EOLA2: variants seen among roughly 807,000 people sequenced by gnomAD.
The protein encoded by EOLA2 is protein EOLA2.
A neutral mutation model predicts 4.1 loss-of-function variants in EOLA2; 3 were observed. The ratio of observed to expected loss-of-function variants is 0.73; its 90% CI spans 0.33 to 1.89. The LOEUF is 1.89. Ranked by LOEUF, EOLA2 falls within the 40% of genes most tolerant of loss-of-function variation. The pLI is 0.08. For missense variants in EOLA2, 109 were observed against 126.4 expected, an observed-to-expected ratio of 0.86 and a Z score of 0.66; for synonymous variants, 52 against 51.7, an observed-to-expected ratio of 1.01 and a Z score of -0.03.
rs1290591669 is a variant in EOLA2 at position 149,937,469 on chromosome X, T to A, written c.-199A>T. On this transcript the variant is annotated 5_prime_UTR_variant, in exon 2 of 5. Coordinates refer to ENST00000370406, the MANE Select transcript of EOLA2 (RefSeq NM_001013845.2). Reference sequence around the variant, plus strand: ...CCAGAGGAGGAAACACTCTTCCACTTGGTTTCTTTACCTGCACAACAAGGA... The same window carrying A: ...CCAGAGGAGGAAACACTCTTCCACTAGGTTTCTTTACCTGCACAACAAGGA... 1.4e-6 allele frequency: 1 copy of A among 704,319 alleles called. No individual in the cohort carries two copies. Among genetic ancestry groups the A allele is most frequent in the African/African-American group, 2.4e-5 (1 of 42,355 alleles). 58.0% of individuals were successfully genotyped at this position (704,319 alleles called of 1,213,427 possible). A position where few individuals can be genotyped will look rare whatever the true frequency, so the allele number is the denominator to read the frequency against.
chrX:149,931,530 G>A (rs1186632324), downstream of EOLA2, among the ~76,000 whole-genome samples: 2 of 100,288 alleles, frequency 2.0e-5, no homozygotes, highest in African/African-American at 7.3e-5. Context: ...GCCTGATTCC[G>A]GCAATATCTT....
Position 149,934,127 on chromosome X carries a change from G to A in EOLA2, c.-152C>T, listed in dbSNP as rs1557375397. On this transcript the variant is annotated 5_prime_UTR_variant, in exon 3 of 5. Coordinates refer to ENST00000370406, the MANE Select transcript of EOLA2 (RefSeq NM_001013845.2). Reference sequence around the variant, plus strand: ...GAGTCTTTGGGGCGGTCCGGAGTAGGGCGGGGACAGCTAGAGGAAGGCACA... The same window carrying A: ...GAGTCTTTGGGGCGGTCCGGAGTAGAGCGGGGACAGCTAGAGGAAGGCACA... 1.9e-6 allele frequency: 2 copies of A among 1,050,844 alleles called. No homozygotes were observed. The highest frequency in any genetic ancestry group is 3.5e-5 in the East Asian group (1 of 28,189). 86.6% of individuals were successfully genotyped at this position (1,050,844 alleles called of 1,213,427 possible).
In EOLA2 at chrX:149,932,256, A is replaced by AT. The variant is rs1323320540; in HGVS notation, c.*287dup. 72 of 692,787 alleles carry AT rather than the reference A, an allele frequency of 1.0e-4. 1 individual carries two copies. The African/African-American group carries it at 1.4e-3, about 13-fold the overall frequency. 57.1% of individuals were successfully genotyped at this position (692,787 alleles called of 1,213,427 possible). On this transcript the variant is annotated 3_prime_UTR_variant, in exon 5 of 5. Transcript: ENST00000370406. The stretch of plus-strand genomic sequence containing the variant: ...ACTAGCAGGACCAAAATTAGCAGCA[A>AT]TGCTGAGACATTTACTGGCAGCTTT...
At position 149,932,679 on chromosome X, in the gene EOLA2, G is replaced by A. The variant is rs781880132; in HGVS notation, c.342C>T (p.Thr114=). The A allele has an allele frequency of 4.0e-5, 48 of 1,205,219 alleles. No individual in the cohort carries two copies. In the African/African-American group the frequency reaches 5.6e-4, roughly 14 times the overall value. ...VVELENQAAL[T]NLKQKYLTVI... ...CAGTCAGGTACTTCTGCTTCAGGTTGGTCAGTGCAGCTTGATTTTCTAGTT... is the reference window on the plus strand; with the variant it reads ...CAGTCAGGTACTTCTGCTTCAGGTTAGTCAGTGCAGCTTGATTTTCTAGTT... Residue 114 remains threonine (T), a synonymous_variant, in exon 5 of 5, where the codon ACC becomes ACT. Transcript: ENST00000370406.
intron 2 of EOLA2, 99 bp downstream of exon 2, chrX:149,937,334 C>T (rs2091022279): frequency 3.8e-6 from 1 of 266,184 alleles, no homozygotes; most frequent in Non-Finnish European, 5.2e-6. Flanking sequence ...CACAAAATCA[C>T]AACAACTGTG....
chrX:149,937,015 C>T lies in EOLA2; in HGVS notation c.-163+418G>A, dbSNP rs782346316. Among the ~76,000 whole-genome samples, 14 of 110,399 alleles carry T rather than the reference C, an allele frequency of 1.3e-4. No individual in the cohort carries two copies. The East Asian group carries it at 2.3e-3, about 18-fold the overall frequency. ...TGAAGACATGCTGAAGGAAATGCCT[C>T]GGCCGCCTGGCACGCCCATCTAAGA... On this transcript the variant is annotated intron_variant, in intron 2 of 4. Coordinates refer to ENST00000370406, the MANE Select transcript of EOLA2 (RefSeq NM_001013845.2).
At chrX:149,933,520 C>T (rs1306944465) in intron 4 of EOLA2, 102 bp downstream of exon 4, 21 of 881,979 alleles carry the variant, frequency 2.4e-5, no homozygotes, top group African/African-American at 1.9e-4. Flanking sequence ...GTGTTATACA[C>T]GCCAATCAGT....
At chrX:149,934,801 G>C (rs1603032391) in intron 2 of EOLA2, among the ~76,000 whole-genome samples, 1 of 112,559 alleles carries the variant, frequency 8.9e-6, no homozygotes, top group East Asian at 2.8e-4. Context: ...CCTCCTGCGT[G>C]TGTGGCTTGG....
chrX:149,938,440 T>C lies in EOLA2; in HGVS notation c.-458A>G, dbSNP rs1348468438. On this transcript the variant is annotated 5_prime_UTR_variant, in exon 1 of 5. Coordinates refer to ENST00000370406, the MANE Select transcript of EOLA2 (RefSeq NM_001013845.2). ...GTGACAGATGCTAGCGGTCCATAAC[T>C]TCGGCTTTCATGCAGCTCCCGTCGT... is the stretch of plus-strand genomic sequence containing the variant. 5 of 112,818 alleles carry C rather than the reference T, an allele frequency of 4.4e-5. No individual in the cohort carries two copies. The highest frequency in any genetic ancestry group is 1.9e-4 in the Admixed American group (2 of 10,793). 9.3% of individuals were successfully genotyped at this position (112,818 alleles called of 1,213,427 possible).
intron 2 of EOLA2, 106 bp from the exon 3 acceptor site, chrX:149,934,243 C>G: frequency 1.3e-6 from 1 of 748,189 alleles, no homozygotes. Context: ...CTAGCCAGAG[C>G]GGAGAGTCGG....
At chrX:149,936,255 CCT>C (rs1318653506) in intron 2 of EOLA2, among the ~76,000 whole-genome samples, 4 of 71,679 alleles carry the variant, frequency 5.6e-5, no homozygotes, top group African/African-American at 1.1e-4. Context: ...CCTTCCATCC[CCT>C]GAGGGAACAT....
At chrX:149,930,178 T>A (rs1603017609), downstream of EOLA2, 10 of 1,098,558 alleles carry the variant, frequency 9.1e-6, no homozygotes, top group East Asian at 3.4e-4. Flanking sequence ...CTCAAACATA[T>A]CTTCATAGGA....
Position 149,937,689 on chromosome X carries a change from G to A in EOLA2, c.-210-209C>T, listed in dbSNP as rs782739599. Among the ~76,000 whole-genome samples the A allele has an allele frequency of 3.6e-5, 4 of 112,548 alleles. No homozygotes were observed. In the South Asian group the frequency reaches 1.1e-3, roughly 31 times the overall value. On this transcript the variant is annotated intron_variant, in intron 1 of 4. Transcript: ENST00000370406. Reference sequence around the variant, plus strand: ...CCTCCACATCTGTCTGGGTCACAGGGTGCACCAGTCCGCAGAGCAGAAAAT... The same window carrying A: ...CCTCCACATCTGTCTGGGTCACAGGATGCACCAGTCCGCAGAGCAGAAAAT...
At chrX:149,930,941 A>C, downstream of EOLA2, 1 of 925,812 alleles carries the variant, frequency 1.1e-6, no homozygotes, top group Non-Finnish European at 1.3e-6. Context: ...TGTCACATTT[A>C]CATCTTCGGC....
At chrX:149,934,511 C>T in intron 2 of EOLA2, 1 of 754,886 alleles carries the variant, frequency 1.3e-6, no homozygotes, top group Non-Finnish European at 1.6e-6. Flanking sequence ...GTGCCACCTT[C>T]CTCAAGCCCC....
Position 149,933,774 on chromosome X carries a change from T to G in EOLA2, c.101A>C (p.Gln34Pro). Residue 34 changes from glutamine (Q) to proline (P), a missense_variant, in exon 4 of 5, where the codon CAG (glutamine) becomes CCG (proline). Transcript: ENST00000370406. Reference protein sequence around the residue: ...ETRWRPLLSSQRNCTIAVHIA... With the variant: ...ETRWRPLLSSPRNCTIAVHIA... ...GTGGACGGCGATGGTACAGTTCCGCTGGCTGCTCAGCAGAGGACGCCAGCG... is the reference window on the plus strand; with the variant it reads ...GTGGACGGCGATGGTACAGTTCCGCGGGCTGCTCAGCAGAGGACGCCAGCG... The G allele has an allele frequency of 4.1e-6, 5 of 1,205,372 alleles. No homozygotes were observed. Among genetic ancestry groups the G allele is most frequent in the Non-Finnish European group, 5.6e-6 (5 of 892,812 alleles).
chrX:149,931,209 T>C, downstream of EOLA2: 2 of 849,099 alleles, frequency 2.4e-6, no homozygotes, highest in Non-Finnish European at 3.0e-6. Flanking sequence ...TGCCATTTTC[T>C]AATGAGAAAC....
Position 149,933,985 on chromosome X carries a change from G to A in EOLA2, c.-30+20C>T. 8.7e-7 allele frequency: 1 copy of A among 1,144,814 alleles called. No individual in the cohort carries two copies. Among genetic ancestry groups the A allele is most frequent in the Non-Finnish European group, 1.2e-6 (1 of 862,223 alleles). 94.3% of individuals were successfully genotyped at this position (1,144,814 alleles called of 1,213,427 possible). A position where few individuals can be genotyped will look rare whatever the true frequency, so the allele number is the denominator to read the frequency against. On this transcript the variant is annotated intron_variant, in intron 3 of 4. Coordinates refer to ENST00000370406, the MANE Select transcript of EOLA2 (RefSeq NM_001013845.2). ...CTGACCTTCCCCCCGTGTCTCTCAG[G>A]TGGCCTAAATCGCACTGACCTTGAT...
At chrX:149,934,624 C>A (rs782805211) in intron 2 of EOLA2, 2 of 751,911 alleles carry the variant, frequency 2.7e-6, no homozygotes, top group Non-Finnish European at 3.1e-6. Flanking sequence ...CCCACACATG[C>A]CTTCCACGTG....
Sources: allele counts gnomAD v4.1 joint callset (sites outside exome capture counted in the v4.1 genomes callset), GRCh38; gene constraint gnomAD v4.1.1; transcripts MANE v1.5; gene names NCBI Gene and HGNC (gene_info 2026-07-23, HGNC 2026-07-21).